The following TRAFD1 variants were observed in gnomAD, a reference collection of about 807,000 sequenced individuals.
TRAFD1 encodes TRAF-type zinc finger domain-containing protein 1.
In TRAFD1, 38 loss-of-function variants were observed where a neutral mutation model predicts 65.3. That is an observed-to-expected ratio of 0.58 (90% CI 0.45 to 0.76). TRAFD1 has a LOEUF of 0.76. TRAFD1 is among the 30% of genes least tolerant of loss of function. The probability of loss-of-function intolerance (pLI) is 0.00; values close to 1 mark genes in which losing one functional copy is unlikely to be tolerated. For synonymous variants in TRAFD1, 223 were observed against 257.2 expected, an observed-to-expected ratio of 0.87 and a Z score of 1.27; for missense variants, 631 against 712.6, an observed-to-expected ratio of 0.89 and a Z score of 1.30.
intron 7 of TRAFD1, among the ~76,000 whole-genome samples, chr12:112,146,473 C>T (rs575318975): frequency 6.6e-6 from 1 of 152,294 alleles, no homozygotes; most frequent in East Asian, 1.9e-4. Context: ...TCTCCACTAT[C>T]CGTTTTGTGA....
intron 4 of TRAFD1, among the ~76,000 whole-genome samples, chr12:112,136,583 A>T (rs1288681620): frequency 2.0e-5 from 3 of 151,344 alleles, no homozygotes. Flanking sequence ...ATGCCCGGTC[A>T]TTTTTCTTTT....
Position 112,148,219 on chromosome 12 carries a change from A to G in TRAFD1, c.1073A>G (p.Asn358Ser). The G allele has an allele frequency of 6.2e-7, 1 of 1,614,172 alleles. No homozygotes were observed. The highest frequency in any genetic ancestry group is 8.5e-7 in the Non-Finnish European group (1 of 1,180,030). ...NQLDSLMGLS[N>S]SHPVEESIII... is the part of the protein sequence containing the mutation. Reference sequence around the variant, plus strand: ...TTAGACTCTTTGATGGGCCTGAGCAATTCACACCCTGTGGAGGAGAGCATC... The same window carrying G: ...TTAGACTCTTTGATGGGCCTGAGCAGTTCACACCCTGTGGAGGAGAGCATC... The change falls in exon 8 of 12, where the codon AAT becomes AGT. Residue 358 changes from asparagine to serine, a missense_variant. Physicochemically the swap from Asn to Ser is conservative, Grantham distance 46. Coordinates refer to ENST00000412615, the MANE Select transcript of TRAFD1 (RefSeq NM_006700.3).
Position 112,142,216 on chromosome 12 carries a change from G to A in TRAFD1, c.771G>A (p.Val257=). 6.2e-7 allele frequency: 1 copy of A among 1,614,008 alleles called. No individual in the cohort carries two copies. The change falls in exon 6 of 12, where the codon GTG becomes GTA. Residue 257 remains valine, a synonymous_variant. Transcript: ENST00000412615. ...AAAATGAAGGCCAAGCCTCCAGTGT[G>A]GCAGAGCAGGACTTCTGGAGGGCCG... ...SLQNEGQASS[V]AEQDFWRAVC...
chr12:112,130,656 AAGACTGGCAC>A lies in TRAFD1; in HGVS notation c.47+90_47+99del, dbSNP rs779351812. On this transcript the variant is annotated intron_variant, in intron 2 of 11. Transcript: ENST00000412615. This position sits in a 1 kb window ranked among gnomAD's most constrained non-coding sequence, Gnocchi z 4.4. ...TTTCCTGATTTAAAAACTGTTAGTG[AAGACTGGCAC>A]AGTCTTGAGTTAAGCTTTCTATTTT... 4 of 1,205,534 alleles carry A rather than the reference AAGACTGGCAC, an allele frequency of 3.3e-6. No homozygotes were observed. The highest frequency in any genetic ancestry group is 4.8e-6 in the Non-Finnish European group (4 of 828,822). The allele number at this position is 1,205,534 out of a possible 1,614,324, so 74.7% of individuals were successfully genotyped here.
chr12:112,153,120 A>G lies in TRAFD1; in HGVS notation c.*329A>G, dbSNP rs1593875659. ...GGTGCTGTGTGGTCCCAGTGGAAGG[A>G]GGGGAAGATTTTGGAAACCTGGTAG... is the stretch of plus-strand genomic sequence containing the variant. On this transcript the variant is annotated 3_prime_UTR_variant, in exon 12 of 12. Transcript: ENST00000412615. The G allele has an allele frequency of 3.9e-6, 1 of 254,160 alleles. No individual in the cohort carries two copies. The highest frequency in any genetic ancestry group is 8.2e-5 in the South Asian group (1 of 12,156). The allele number at this position is 254,160 out of a possible 1,614,324, so 15.7% of individuals were successfully genotyped here.
intron 1 of TRAFD1, among the ~76,000 whole-genome samples, chr12:112,129,832 G>A (rs139426186): frequency 6.6e-6 from 1 of 151,776 alleles, no homozygotes; most frequent in African/African-American, 2.4e-5. Flanking sequence ...TAGTAGAGAT[G>A]GGGGTTTCAC....
intron 7 of TRAFD1, 26 bp from the exon 8 acceptor site, chr12:112,148,048 T>G (rs770927156): frequency 6.3e-7 from 1 of 1,580,840 alleles, no homozygotes; most frequent in Non-Finnish European, 8.7e-7. Flanking sequence ...GATTCTTGTT[T>G]TTAACCTATA....
At chr12:112,142,368 C>T in intron 6 of TRAFD1, 73 bp downstream of exon 6, 3 of 1,466,534 alleles carry the variant, frequency 2.0e-6, no homozygotes, top group Non-Finnish European at 2.8e-6. Context: ...AATTCTTATA[C>T]AATTGAAAGA....
chr12:112,149,133 ACTT>A (rs1413839528), intron 8 of TRAFD1, among the ~76,000 whole-genome samples: 1 of 151,766 alleles, frequency 6.6e-6, no homozygotes, highest in African/African-American at 2.4e-5. Context: ...CATGAGAATC[ACTT>A]GAACCTGGGA....
chr12:112,139,382 A>G (rs1476883070), intron 4 of TRAFD1, among the ~76,000 whole-genome samples: 1 of 152,080 alleles, frequency 6.6e-6, no homozygotes. Flanking sequence ...ATTAAAAAAT[A>G]AAATTTGATA....
rs1287139717 is a variant in TRAFD1 at position 112,153,458 on chromosome 12, C to G, written c.*667C>G. ...ATGGGGAGGGCTGAGGGCTCCCTGTCCCCACAGCAGGTATGTTGGGCTCTG... is the reference window on the plus strand; with the variant it reads ...ATGGGGAGGGCTGAGGGCTCCCTGTGCCCACAGCAGGTATGTTGGGCTCTG... On this transcript the variant is annotated 3_prime_UTR_variant, in exon 12 of 12. Transcript: ENST00000412615. The G allele has an allele frequency of 3.3e-5, 5 of 152,256 alleles. No homozygotes were observed. Among genetic ancestry groups the G allele is most frequent in the Non-Finnish European group, 7.3e-5 (5 of 68,082 alleles). 9.4% of individuals were successfully genotyped at this position (152,256 alleles called of 1,614,324 possible). A position where few individuals can be genotyped will look rare whatever the true frequency, so the allele number is the denominator to read the frequency against.
intron 4 of TRAFD1, 92 bp from the exon 5 acceptor site, chr12:112,140,727 T>G: frequency 7.0e-7 from 1 of 1,432,166 alleles, no homozygotes; most frequent in Non-Finnish European, 9.5e-7. Flanking sequence ...GAAGAGAAGA[T>G]TGCAGTAGAT....
rs2030434697 is a variant in TRAFD1 at position 112,152,350 on chromosome 12, G to A, written c.1620-77G>A. ...GGGGTTTGTCTGCTAGCATAGGACT[G>A]CTTCCTGTTCCCTCTGAGTTTGTTG... On this transcript the variant is annotated intron_variant, in intron 10 of 11. Coordinates refer to ENST00000412615, the MANE Select transcript of TRAFD1 (RefSeq NM_006700.3). This position sits in a 1 kb window ranked among gnomAD's most constrained non-coding sequence, Gnocchi z 5.0. 5 of 1,578,220 alleles carry A rather than the reference G, an allele frequency of 3.2e-6. No homozygotes were observed. The highest frequency in any genetic ancestry group is 3.5e-6 in the Non-Finnish European group (4 of 1,158,914).
chr12:112,141,289 G>C, intron 5 of TRAFD1, 65 bp downstream of exon 5: 2 of 1,563,690 alleles, frequency 1.3e-6, no homozygotes, highest in Non-Finnish European at 1.7e-6. Context: ...TGGGAACAGG[G>C]CTTTGGGGCC....
In TRAFD1 at chr12:112,141,190, C is replaced by CATT; in HGVS notation, c.611_613dup (p.Ile204dup). Reference sequence around the variant, plus strand: ...ACAATAGAACTACCAACCAAAGGAACATTACAGCCCAGGTTTCAATTCAGA... The same window carrying CATT: ...ACAATAGAACTACCAACCAAAGGAACATTATTACAGCCCAGGTTTCAATTCAGA... On this transcript the variant is annotated inframe_insertion, in exon 5 of 12. Transcript: ENST00000412615. 6.2e-7 allele frequency: 1 copy of CATT among 1,614,160 alleles called. No homozygotes were observed. Among genetic ancestry groups the CATT allele is most frequent in the Non-Finnish European group, 8.5e-7 (1 of 1,180,036 alleles).
chr12:112,142,811 A>G (rs2030129287), intron 6 of TRAFD1, among the ~76,000 whole-genome samples: 2 of 152,228 alleles, frequency 1.3e-5, no homozygotes, highest in Non-Finnish European at 2.9e-5. Flanking sequence ...GTTCAAACTT[A>G]TTCTCAAATA....
Position 112,142,261 on chromosome 12 carries a change from T to A in TRAFD1, c.816T>A (p.Ser272=). ...GGGCCGTATGTGAGGCCGACCAGTC[T>A]CATGGCGGTCCCAGGTCTCTCAGTG... ...FWRAVCEADQ[S]HGGPRSLSDI... Residue 272 remains serine (S), a synonymous_variant, in exon 6 of 12, where the codon TCT becomes TCA. Transcript: ENST00000412615. 6.2e-7 allele frequency: 1 copy of A among 1,613,858 alleles called. No individual in the cohort carries two copies. The highest frequency in any genetic ancestry group is 8.5e-7 in the Non-Finnish European group (1 of 1,179,812).
rs1463671031 is a variant in TRAFD1, at chr12:112,130,435, TTTA to T, written c.-12-73_-12-71del. ...GGTGACAGTTTCTGTATACTAGTTT[TTTA>T]TTTGTTTTTTTGCATGTCATCTTTA... On this transcript the variant is annotated intron_variant, in intron 1 of 11. Coordinates refer to ENST00000412615, the MANE Select transcript of TRAFD1 (RefSeq NM_006700.3). The surrounding 1 kb of genome is among the most constrained non-coding windows in gnomAD (Gnocchi z 4.4). 1.1e-5 allele frequency: 13 copies of T among 1,236,700 alleles called. No homozygotes were observed. Among genetic ancestry groups the T allele is most frequent in the Non-Finnish European group, 1.4e-5 (12 of 851,598 alleles). The allele number at this position is 1,236,700 out of a possible 1,614,324, so 76.6% of individuals were successfully genotyped here. A position where few individuals can be genotyped will look rare whatever the true frequency, so the allele number is the denominator to read the frequency against.
intron 7 of TRAFD1, among the ~76,000 whole-genome samples, chr12:112,146,054 G>T (rs544622227): frequency 3.1e-4 from 46 of 150,182 alleles, no homozygotes; most frequent in Non-Finnish European, 6.1e-4. Context: ...AGCATTAGGA[G>T]ATATACCTAA....
Sources: gnomAD v4.1 joint callset for allele counts (sites outside exome capture counted in the v4.1 genomes callset) on GRCh38, gnomAD v4.1.1 for gene constraint, Gnocchi (gnomAD v3.1) non-coding constraint, MANE v1.5 for transcripts, NCBI Gene and HGNC (gene_info 2026-07-23, HGNC 2026-07-21) for gene names.